MDH1B: variants seen among roughly 807,000 people sequenced by gnomAD.
MDH1B encodes the protein malate dehydrogenase 1B, also known as putative malate dehydrogenase 1B.
In MDH1B, 60 loss-of-function variants were observed where a neutral mutation model predicts 61.4. That is an observed-to-expected ratio of 0.98 (90% CI 0.79 to 1.21). MDH1B has a LOEUF of 1.21. Among genes scored for constraint, MDH1B ranks in the 50% most tolerant of loss-of-function variants. MDH1B has a pLI of 0.00. For synonymous variants in MDH1B, 236 were observed against 218.7 expected (o/e 1.08, Z -0.70); for missense variants, 587 against 632.1 (o/e 0.93, Z 0.76).
chr2:206,745,842 T>C (rs1468627470), intron 8 of MDH1B, among the ~76,000 whole-genome samples, 169 bp from the exon 9 acceptor site: 4 of 151,430 alleles, frequency 2.6e-5, no homozygotes, highest in Non-Finnish European at 5.9e-5. Flanking sequence ...CAAGCGATTC[T>C]CCTGCCTCAG....
intron 6 of MDH1B, among the ~76,000 whole-genome samples, chr2:206,750,401 T>C (rs1688368455): frequency 6.9e-6 from 1 of 144,364 alleles, no homozygotes; most frequent in Non-Finnish European, 1.5e-5. Context: ...TAACTCAGTT[T>C]TTCATCTGCA....
chr2:206,755,265 G>A lies in MDH1B; in HGVS notation c.654C>T (p.Thr218=). The change falls in exon 5 of 12, where the codon ACC becomes ACT. Residue 218 remains threonine, a synonymous_variant. Transcript: ENST00000374412. ...CCTCCAGAGTGAACACCTCCTTGTT[G>A]GTGCTGTCATCCAGCACCACAATGA... ...AHVIVVLDDS[T]NKEVFTLEDC... is the part of the protein sequence containing the mutation. 1.2e-6 allele frequency: 2 copies of A among 1,614,156 alleles called. No individual in the cohort carries two copies. The highest frequency in any genetic ancestry group is 1.7e-6 in the Non-Finnish European group (2 of 1,180,032).
At position 206,740,721 on chromosome 2, in the gene MDH1B, G is replaced by A. The variant is rs548216889; in HGVS notation, c.1459+333C>T. Reference sequence around the variant, plus strand: ...CTCTCACCTGTGTTCTGAGGAAGATGCTATCTTGCCCTATTGGTTATTTTG... The same window carrying A: ...CTCTCACCTGTGTTCTGAGGAAGATACTATCTTGCCCTATTGGTTATTTTG... On this transcript the variant is annotated intron_variant, in intron 10 of 11. Transcript: ENST00000374412. Among the ~76,000 whole-genome samples the A allele has an allele frequency of 4.6e-5, 7 of 152,278 alleles. No individual in the cohort carries two copies. In the South Asian group the frequency reaches 1.4e-3, roughly 32 times the overall value.
intron 1 of MDH1B, among the ~76,000 whole-genome samples, chr2:206,762,111 C>G (rs1021343324): frequency 2.0e-4 from 30 of 152,284 alleles, no homozygotes; most frequent in African/African-American, 7.2e-4. Context: ...AATTGGCCCT[C>G]AACCCTGCGT....
intron 11 of MDH1B, among the ~76,000 whole-genome samples, chr2:206,739,252 A>C (rs1687671817): frequency 6.6e-6 from 1 of 151,948 alleles, no homozygotes; most frequent in South Asian, 2.1e-4. Flanking sequence ...CTAGATCTAC[A>C]AAAAAAATTA....
chr2:206,764,283 G>A (rs561278066), intron 1 of MDH1B, among the ~76,000 whole-genome samples: 82 of 148,206 alleles, frequency 5.5e-4, no homozygotes, highest in South Asian at 2.0e-3. Flanking sequence ...GGGTGACAAA[G>A]TGAGAGCCTG....
At chr2:206,749,302 C>A in intron 6 of MDH1B, 119 bp from the exon 7 acceptor site, 11 of 774,884 alleles carry the variant, frequency 1.4e-5, no homozygotes, top group South Asian at 2.1e-5. Flanking sequence ...AATAGAAATA[C>A]AGCTTTATTT....
chr2:206,757,855 TATCA>T, intron 2 of MDH1B, among the ~76,000 whole-genome samples: 3 of 152,236 alleles, frequency 2.0e-5, no homozygotes, highest in African/African-American at 7.2e-5. Flanking sequence ...CGACAATATT[TATCA>T]GAAAAAATTT....
In MDH1B at chr2:206,761,015, T is replaced by C; in HGVS notation, c.23-2A>G. 1 of 1,516,124 alleles carries C rather than the reference T, an allele frequency of 6.6e-7. No homozygotes were observed. The highest frequency in any genetic ancestry group is 1.2e-5 in the South Asian group (1 of 85,398). The allele number at this position is 1,516,124 out of a possible 1,614,324, so 93.9% of individuals were successfully genotyped here. A position where few individuals can be genotyped will look rare whatever the true frequency, so the allele number is the denominator to read the frequency against. On this transcript the variant is annotated splice_acceptor_variant, in intron 1 of 11. Coordinates refer to ENST00000374412, the MANE Select transcript of MDH1B (RefSeq NM_001039845.3). LOFTEE classifies it high-confidence loss of function. ...CATAATATGGACAATCTGCTCTACC[T>C]AAAAGAGTTCAAATTAGCAATGTTT... is the stretch of plus-strand genomic sequence containing the variant.
chr2:206,745,727 CTTCTTTT>C (rs1688067287), intron 8 of MDH1B, 54 bp from the exon 9 acceptor site: 6 of 786,078 alleles, frequency 7.6e-6, no homozygotes, highest in Admixed American at 2.7e-5. Context: ...TAACTTAATT[CTTCTTTT>C]TTTTTTTTTT....
At chr2:206,741,309 T>C (rs1299033458) in intron 9 of MDH1B, 1 of 697,442 alleles carries the variant, frequency 1.4e-6, no homozygotes, top group Admixed American at 2.2e-5. Context: ...CTTATCTTTT[T>C]CTAATTGTGA....
chr2:206,755,297 C>T lies in MDH1B; in HGVS notation c.622G>A (p.Ala208Thr), dbSNP rs767858740. ...CTKVEEAFRQAHVIVVLDDST... is the reference protein window; with the variant it reads ...CTKVEEAFRQTHVIVVLDDST... ...TCATCCAGCACCACAATGACGTGGG[C>T]CTGGCGGAAGGCCTCCTCCACCTTC... is the stretch of plus-strand genomic sequence containing the variant. The change falls in exon 5 of 12, where the codon GCC becomes ACC. Residue 208 changes from alanine to threonine, a missense_variant. Transcript: ENST00000374412. 6.2e-7 allele frequency: 1 copy of T among 1,614,198 alleles called. No homozygotes were observed. The highest frequency in any genetic ancestry group is 8.5e-7 in the Non-Finnish European group (1 of 1,180,024).
chr2:206,754,910 T>A, intron 5 of MDH1B, 99 bp downstream of exon 5: 1 of 1,309,864 alleles, frequency 7.6e-7, no homozygotes, highest in South Asian at 1.4e-5. Flanking sequence ...CTATTCCAGA[T>A]ACTCAGAATG....
At chr2:206,757,778 A>T (rs6708403) in intron 2 of MDH1B, among the ~76,000 whole-genome samples, 18,690 of 152,094 alleles carry the variant, frequency 0.12, 1,669 homozygotes, top group African/African-American at 0.26. Context: ...TACTTTTTTT[A>T]AAATCTGTGA....
chr2:206,751,776 G>C (rs571083691), intron 5 of MDH1B, among the ~76,000 whole-genome samples: 4 of 152,166 alleles, frequency 2.6e-5, no homozygotes, highest in Admixed American at 2.6e-4. Flanking sequence ...TGGTTAGAGA[G>C]AAATAGGCAT....
At position 206,751,024 on chromosome 2, in the gene MDH1B, T is replaced by G. The variant is rs751871339; in HGVS notation, c.962A>C (p.Asp321Ala). ...TCTGTACACCCTTGTTTTTCTCAGATCAACGTAATTATTTCCACTGATATT... is the reference window on the plus strand; with the variant it reads ...TCTGTACACCCTTGTTTTTCTCAGAGCAACGTAATTATTTCCACTGATATT... ...WGNISGNNYV[D>A]LRKTRVYRYE... The change falls in exon 6 of 12, where the codon GAT becomes GCT. Residue 321 changes from aspartate (D) to alanine (A), a missense_variant. Coordinates refer to ENST00000374412, the MANE Select transcript of MDH1B (RefSeq NM_001039845.3). The G allele has an allele frequency of 1.2e-6, 2 of 1,609,290 alleles. No homozygotes were observed. Among genetic ancestry groups the G allele is most frequent in the South Asian group, 2.2e-5 (2 of 90,316 alleles).
chr2:206,762,499 GA>G (rs1227203376), intron 1 of MDH1B, among the ~76,000 whole-genome samples: 1 of 152,004 alleles, frequency 6.6e-6, no homozygotes, highest in African/African-American at 2.4e-5. Context: ...TCTCTTTCTA[GA>G]GTCTTGTATC....
chr2:206,749,050 C>G lies in MDH1B; in HGVS notation c.1186G>C (p.Glu396Gln), dbSNP rs1688284228. ...CTCAATATTCCTAAAGATACAATCT[C>G]CCCAGGTGGTGAGCCATGGTACCAG... ...KYWYHGSPPG[E>Q]IVSLGILSEG... is the part of the protein sequence containing the mutation. Residue 396 changes from glutamate to glutamine, a missense_variant, in exon 7 of 12, where the codon GAG becomes CAG. By Grantham distance (29) the Glu-to-Gln change is conservative. Coordinates refer to ENST00000374412, the MANE Select transcript of MDH1B (RefSeq NM_001039845.3). The G allele has an allele frequency of 6.2e-7, 1 of 1,613,796 alleles. No homozygotes were observed. Among genetic ancestry groups the G allele is most frequent in the Admixed American group, 1.7e-5 (1 of 59,984 alleles).
At chr2:206,765,156 G>T (rs777793747) in intron 1 of MDH1B, 94 bp downstream of exon 1, 1 of 1,441,954 alleles carries the variant, frequency 6.9e-7, no homozygotes, top group Non-Finnish European at 9.4e-7. Context: ...AGCATGGAGC[G>T]GTCCGTATAG....
Sources: allele counts gnomAD v4.1 joint callset (sites outside exome capture counted in the v4.1 genomes callset), GRCh38; gene constraint gnomAD v4.1.1; transcripts MANE v1.5; gene names NCBI Gene and HGNC (gene_info 2026-07-23, HGNC 2026-07-21).